BCAS3: variants seen among roughly 807,000 people sequenced by gnomAD.
BCAS3 encodes BCAS3 microtubule associated cell migration factor.
A neutral mutation model predicts 116.1 loss-of-function variants in BCAS3; 53 were observed. That is an observed-to-expected ratio of 0.46 (90% CI 0.37 to 0.57). The LOEUF is 0.57. Among genes scored for constraint, BCAS3 ranks in the 20% least tolerant of loss-of-function variants. The pLI, the probability that BCAS3 is intolerant of heterozygous loss-of-function variation, is 0.00. For missense variants in BCAS3, 917 were observed against 1,165.4 expected, an observed-to-expected ratio of 0.79 and a Z score of 3.10; for synonymous variants, 391 against 408.2, an observed-to-expected ratio of 0.96 and a Z score of 0.51.
At chr17:61,046,549 C>G (rs890895171) in intron 19 of BCAS3, among the ~76,000 whole-genome samples, 1 of 151,752 alleles carries the variant, frequency 6.6e-6, no homozygotes, top group Non-Finnish European at 1.5e-5. Context: ...ACTTATAATA[C>G]CTAATACAAT....
At chr17:60,751,038 G>T (rs981480833) in intron 6 of BCAS3, among the ~76,000 whole-genome samples, 1 of 152,094 alleles carries the variant, frequency 6.6e-6, no homozygotes, top group Non-Finnish European at 1.5e-5. Context: ...TGCAATTTAA[G>T]ACGTGGAAGA....
Position 61,087,888 on chromosome 17 carries a change from A to T in BCAS3, c.2425+3324A>T, listed in dbSNP as rs189298696. Reference sequence around the variant, plus strand: ...TCTCATCTTGTCTTTGGTGATTCTAATGACACCATACCAGCTGGGCGCAGT... The same window carrying T: ...TCTCATCTTGTCTTTGGTGATTCTATTGACACCATACCAGCTGGGCGCAGT... On this transcript the variant is annotated intron_variant, in intron 22 of 23. Coordinates refer to ENST00000407086, the MANE Select transcript of BCAS3 (RefSeq NM_017679.5). The surrounding 1 kb of genome is among the most constrained non-coding windows in gnomAD (Gnocchi z 4.6). 1.1e-3 allele frequency among the ~76,000 whole-genome samples: 172 copies of T among 152,174 alleles called. No individual in the cohort carries two copies. Among genetic ancestry groups the T allele is most frequent in the African/African-American group, 4.0e-3 (168 of 41,512 alleles).
chr17:61,197,528 A>G (rs999188222), intron 22 of BCAS3, among the ~76,000 whole-genome samples: 1 of 152,232 alleles, frequency 6.6e-6, no homozygotes. Context: ...TCTGCCTGAA[A>G]CAAACATTTA....
intron 6 of BCAS3, among the ~76,000 whole-genome samples, chr17:60,756,348 G>A (rs1011992044): frequency 6.6e-6 from 1 of 152,126 alleles, no homozygotes; most frequent in African/African-American, 2.4e-5. Flanking sequence ...ACCAGTCTGC[G>A]GCCCAGGAGT....
rs1199603635 is a variant in BCAS3 at position 61,067,273 on chromosome 17, GTATATATATATATA to G, written c.2030-7617_2030-7604del. 6.6e-4 allele frequency among the ~76,000 whole-genome samples: 39 copies of G among 58,800 alleles called. No homozygotes were observed. In the East Asian group the frequency reaches 8.2e-3, roughly 12 times the overall value. The allele number at this position is 58,800 out of a possible 152,430, so 38.6% of individuals were successfully genotyped here. ...CATAACTTTATTTATGTGTGTATGTGTATATATATATATATATATATATATATATATATATATAT... is the reference window on the plus strand; with the variant it reads ...CATAACTTTATTTATGTGTGTATGTGTATATATATATATATATATATATAT... On this transcript the variant is annotated intron_variant, in intron 19 of 23. Transcript: ENST00000407086.
At chr17:61,237,370 G>T (rs868461534) in intron 22 of BCAS3, among the ~76,000 whole-genome samples, 1 of 152,128 alleles carries the variant, frequency 6.6e-6, no homozygotes, top group Admixed American at 6.5e-5. Flanking sequence ...ATCGCAAGGA[G>T]GATTGAAAAA....
rs116347270 is a variant in BCAS3 at position 61,341,028 on chromosome 17, G to C, written c.2426-27299G>C. On this transcript the variant is annotated intron_variant, in intron 22 of 23. Transcript: ENST00000407086. ...AGGGAGGAGGGTCAGGGCCTGAGAG[G>C]CCAGGTTGCTGACAGGGTCATCTGT... is the stretch of plus-strand genomic sequence containing the variant. Among the ~76,000 whole-genome samples the C allele has an allele frequency of 7.7e-3, 1,167 of 152,296 alleles. 10 individuals are homozygous for C. Among genetic ancestry groups the C allele is most frequent in the African/African-American group, 0.026 (1,066 of 41,546 alleles).
At position 61,004,877 on chromosome 17, in the gene BCAS3, G is replaced by A. The variant is rs2064540134; in HGVS notation, c.1487-10874G>A. ...AGAAATAGAGCATTCCATTTTCTGT[G>A]TTAAGAGCCATCTCTAGTAAGGAAT... is the stretch of plus-strand genomic sequence containing the variant. On this transcript the variant is annotated intron_variant, in intron 15 of 23. Transcript: ENST00000407086. The surrounding 1 kb of genome is among the most constrained non-coding windows in gnomAD (Gnocchi z 4.8). Among the ~76,000 whole-genome samples the A allele has an allele frequency of 6.6e-6, 1 of 152,080 alleles. No individual in the cohort carries two copies. The highest frequency in any genetic ancestry group is 1.5e-5 in the Non-Finnish European group (1 of 68,008).
intron 19 of BCAS3, chr17:61,070,027 C>T (rs1247719379): frequency 3.8e-6 from 6 of 1,594,540 alleles, no homozygotes; most frequent in East Asian, 4.5e-5. Flanking sequence ...GAAGACACTG[C>T]GACTCTGGAG....
At chr17:61,024,541 A>C (rs1449492461) in intron 16 of BCAS3, among the ~76,000 whole-genome samples, 1 of 152,122 alleles carries the variant, frequency 6.6e-6, no homozygotes, top group Non-Finnish European at 1.5e-5. Flanking sequence ...CCTGTAAACT[A>C]CAGTGTCTGA....
chr17:60,989,407 A>T (rs573249827), intron 14 of BCAS3, among the ~76,000 whole-genome samples: 1 of 152,222 alleles, frequency 6.6e-6, no homozygotes, highest in Admixed American at 6.5e-5. Context: ...TCACTGTATG[A>T]TAAGTGTCAT....
chr17:60,878,387 A>C lies in BCAS3; in HGVS notation c.661+3649A>C, dbSNP rs1010371394. On this transcript the variant is annotated intron_variant, in intron 9 of 23. Transcript: ENST00000407086. Reference sequence around the variant, plus strand: ...TAGGATGGTGCATGTCTTGGGAAGAATAGGGACTGAAAGGGAGTGTAAGAA... The same window carrying C: ...TAGGATGGTGCATGTCTTGGGAAGACTAGGGACTGAAAGGGAGTGTAAGAA... 3.9e-5 allele frequency among the ~76,000 whole-genome samples: 6 copies of C among 152,202 alleles called. No individual in the cohort carries two copies. The East Asian group carries it at 9.6e-4, about 24-fold the overall frequency.
intron 7 of BCAS3, among the ~76,000 whole-genome samples, chr17:60,843,320 G>A (rs908030823): frequency 1.3e-5 from 2 of 151,234 alleles, no homozygotes; most frequent in South Asian, 2.1e-4. Flanking sequence ...GTGTTCAAGC[G>A]ATTCTTCTGC....
intron 22 of BCAS3, among the ~76,000 whole-genome samples, chr17:61,294,292 T>G (rs1223170966): frequency 6.6e-6 from 1 of 152,304 alleles, no homozygotes; most frequent in East Asian, 1.9e-4. Flanking sequence ...GTGGTAGTAC[T>G]GTGATGTCCC....
At chr17:61,273,039 C>G (rs2050442987) in intron 22 of BCAS3, among the ~76,000 whole-genome samples, 1 of 152,048 alleles carries the variant, frequency 6.6e-6, no homozygotes, top group Non-Finnish European at 1.5e-5. Flanking sequence ...GTTAACATTT[C>G]TTGAAATACC....
chr17:60,816,552 C>G (rs1047563518), intron 7 of BCAS3, among the ~76,000 whole-genome samples: 1 of 152,140 alleles, frequency 6.6e-6, no homozygotes, highest in African/African-American at 2.4e-5. Flanking sequence ...GGATTACAGG[C>G]GTGCACTACC....
chr17:60,728,005 C>T (rs373157469), intron 5 of BCAS3, among the ~76,000 whole-genome samples: 99 of 151,914 alleles, frequency 6.5e-4, no homozygotes, highest in Non-Finnish European at 1.2e-3. Context: ...GATGGGGTTT[C>T]GCCATGTTAC....
intron 22 of BCAS3, among the ~76,000 whole-genome samples, chr17:61,085,691 A>C: frequency 6.6e-6 from 1 of 152,250 alleles, no homozygotes; most frequent in East Asian, 1.9e-4. Context: ...TAACTTGGCA[A>C]CCATGGTTGT....
At chr17:61,176,138 CAAAAAAA>C (rs534042215) in intron 22 of BCAS3, among the ~76,000 whole-genome samples, 4 of 50,040 alleles carry the variant, frequency 8.0e-5, no homozygotes, top group South Asian at 9.0e-4. Context: ...GACCCTATCT[CAAAAAAA>C]AAAAAAAAAA....
Sources: gnomAD v4.1 joint callset for allele counts (sites outside exome capture counted in the v4.1 genomes callset) on GRCh38, gnomAD v4.1.1 for gene constraint, Gnocchi (gnomAD v3.1) non-coding constraint, MANE v1.5 for transcripts, NCBI Gene and HGNC (gene_info 2026-07-23, HGNC 2026-07-21) for gene names.